The following SLC17A5 variants were observed in gnomAD, a reference collection of about 807,000 sequenced individuals.
SLC17A5 encodes the protein solute carrier family 17 member 5, also known as sialin.
A neutral mutation model predicts 59.4 loss-of-function variants in SLC17A5; 47 were observed. The ratio of observed to expected loss-of-function variants is 0.79; its 90% confidence interval spans 0.63 to 1.01. The LOEUF (loss-of-function observed/expected upper bound fraction) is 1.01, where lower values mean the gene tolerates loss of function less well. Ranked by LOEUF, SLC17A5 falls within the 50% of genes least tolerant of loss-of-function variation. The pLI, the probability that SLC17A5 is intolerant of heterozygous loss-of-function variation, is 0.00. For synonymous variants in SLC17A5, 202 were observed against 210.7 expected, an observed-to-expected ratio of 0.96 and a Z score of 0.36; for missense variants, 522 against 595.5, an observed-to-expected ratio of 0.88 and a Z score of 1.28.
intron 10 of SLC17A5, among the ~76,000 whole-genome samples, chr6:73,595,632 T>C (rs553216331): frequency 6.6e-6 from 1 of 152,136 alleles, no homozygotes; most frequent in Non-Finnish European, 1.5e-5. Context: ...ATTCTGTTTC[T>C]TGATTGGGTG....
At chr6:73,597,611 C>G (rs1297530927) in intron 10 of SLC17A5, among the ~76,000 whole-genome samples, 1 of 151,984 alleles carries the variant, frequency 6.6e-6, no homozygotes, top group Non-Finnish European at 1.5e-5. Flanking sequence ...GTGGTGAAAC[C>G]CCATCTTTAC....
At chr6:73,627,319 C>T (rs899672099) in intron 6 of SLC17A5, among the ~76,000 whole-genome samples, 3 of 152,080 alleles carry the variant, frequency 2.0e-5, no homozygotes, top group Non-Finnish European at 2.9e-5. Flanking sequence ...TCGTGATCTG[C>T]GTGCCTCAGC....
At chr6:73,636,793 G>A in intron 4 of SLC17A5, 86 bp from the exon 5 acceptor site, 1 of 989,288 alleles carries the variant, frequency 1.0e-6, no homozygotes, top group Non-Finnish European at 1.6e-6. Context: ...CAGAGGATGG[G>A]TAACAGGCTG....
intron 2 of SLC17A5, among the ~76,000 whole-genome samples, chr6:73,642,701 T>C (rs1200086122): frequency 2.0e-5 from 3 of 152,216 alleles, no homozygotes; most frequent in Non-Finnish European, 4.4e-5. Flanking sequence ...CTGACATTTT[T>C]AATGCAGTGT....
intron 7 of SLC17A5, chr6:73,618,702 C>CT (rs1019897434): frequency 7.3e-4 from 180 of 247,628 alleles, no homozygotes; most frequent in African/African-American, 3.9e-3. Context: ...CACTTGAATA[C>CT]TTGCAGGCCA....
At chr6:73,639,110 C>T (rs1039894210) in intron 3 of SLC17A5, among the ~76,000 whole-genome samples, 17 of 152,088 alleles carry the variant, frequency 1.1e-4, no homozygotes, top group Non-Finnish European at 1.9e-4. Flanking sequence ...TGTTTACAGC[C>T]TTTCTTCTTT....
chr6:73,642,311 A>C (rs1769325426), intron 2 of SLC17A5, among the ~76,000 whole-genome samples: 1 of 152,204 alleles, frequency 6.6e-6, no homozygotes, highest in African/African-American at 2.4e-5. Flanking sequence ...TCCCAAAAAA[A>C]GAGTCACAGG....
At chr6:73,601,740 G>A (rs1224959281) in intron 9 of SLC17A5, among the ~76,000 whole-genome samples, 1 of 124,332 alleles carries the variant, frequency 8.0e-6, no homozygotes, top group Non-Finnish European at 1.7e-5. Context: ...GGTGAGGGGC[G>A]CCTCTGCCCA....
At chr6:73,617,557 C>T (rs1423073309) in intron 7 of SLC17A5, among the ~76,000 whole-genome samples, 2 of 151,812 alleles carry the variant, frequency 1.3e-5, no homozygotes, top group Admixed American at 6.6e-5. Context: ...ATGCTAAAAA[C>T]TGCCGGCTAG....
chr6:73,623,454 C>G (rs1307798286), intron 6 of SLC17A5, among the ~76,000 whole-genome samples: 1 of 151,898 alleles, frequency 6.6e-6, no homozygotes, highest in African/African-American at 2.4e-5. Flanking sequence ...CCGGCCTCAG[C>G]CCCCCAAGTA....
chr6:73,625,159 CTT>C (rs1188415954), intron 6 of SLC17A5, among the ~76,000 whole-genome samples: 1 of 151,950 alleles, frequency 6.6e-6, no homozygotes, highest in Non-Finnish European at 1.5e-5. Flanking sequence ...TAGATATGCT[CTT>C]GTGTTTTTTA....
At chr6:73,607,992 A>T (rs1205925273) in intron 9 of SLC17A5, among the ~76,000 whole-genome samples, 1 of 151,076 alleles carries the variant, frequency 6.6e-6, no homozygotes, top group African/African-American at 2.4e-5. Flanking sequence ...GGCCAGGCTG[A>T]TCTCGAACTC....
At chr6:73,609,282 G>T (rs563774832) in intron 9 of SLC17A5, among the ~76,000 whole-genome samples, 19 of 152,312 alleles carry the variant, frequency 1.2e-4, no homozygotes, top group African/African-American at 4.6e-4. Context: ...TATTTCCAGA[G>T]AGGTAGCTGT....
At chr6:73,645,126 T>G (rs3799291) in intron 1 of SLC17A5, among the ~76,000 whole-genome samples, 2 of 152,194 alleles carry the variant, frequency 1.3e-5, no homozygotes, top group Admixed American at 6.5e-5. Flanking sequence ...TTACTATTTC[T>G]GAAAAACTAT....
chr6:73,605,771 AG>A (rs1767364336), intron 9 of SLC17A5, among the ~76,000 whole-genome samples: 1 of 151,972 alleles, frequency 6.6e-6, no homozygotes, highest in South Asian at 2.1e-4. Context: ...TGAGGTCGGG[AG>A]TTCGAGACCA....
chr6:73,609,546 A>T (rs72947490), intron 9 of SLC17A5, among the ~76,000 whole-genome samples: 1 of 149,314 alleles, frequency 6.7e-6, no homozygotes, highest in Non-Finnish European at 1.5e-5. Context: ...AGACAAATCA[A>T]TTGGGTCTAC....
chr6:73,641,788 A>G lies in SLC17A5; in HGVS notation c.428T>C (p.Ile143Thr). Reference sequence around the variant, plus strand: ...CAGGGTGAGGACAGCAGTGCCAAGGATCCCAAATCCTAGCAGCATTTTCCC... The same window carrying G: ...CAGGGTGAGGACAGCAGTGCCAAGGGTCCCAAATCCTAGCAGCATTTTCCC... ...IGGKMLLGFG[I>T]LGTAVLTLFT... The change falls in exon 3 of 11, where the codon ATC becomes ACC. Residue 143 changes from isoleucine (I) to threonine (T), a missense_variant. Physicochemically the swap from Ile to Thr is moderately conservative, Grantham distance 89 (BLOSUM62 -1). Around this residue, in one of 3 missense-constraint regions of SLC17A5, gnomAD observed 338 missense variants for 363.8 expected, o/e 0.93. Coordinates refer to ENST00000355773, the MANE Select transcript of SLC17A5 (RefSeq NM_012434.5). 1 of 1,614,154 alleles carries G rather than the reference A, an allele frequency of 6.2e-7. No homozygotes were observed. The highest frequency in any genetic ancestry group is 8.5e-7 in the Non-Finnish European group (1 of 1,180,026).
At position 73,615,405 on chromosome 6, in the gene SLC17A5, A is replaced by G. The variant is rs142972941; in HGVS notation, c.1021T>C (p.Cys341Arg). The G allele has an allele frequency of 2.3e-5, 37 of 1,613,956 alleles. No homozygotes were observed. The highest frequency in any genetic ancestry group is 3.1e-5 in the Non-Finnish European group (36 of 1,179,966). The change falls in exon 8 of 11, where the codon TGT becomes CGT. Residue 341 changes from cysteine (C) to arginine (R), a missense_variant. Around this residue, in one of 3 missense-constraint regions of SLC17A5, gnomAD observed 31 missense variants for 63.2 expected, o/e 0.49. Coordinates refer to ENST00000355773, the MANE Select transcript of SLC17A5 (RefSeq NM_012434.5). ...SSLPYLGSWL[C>R]MILSGQAADN... ...GCAGCTTGACCAGACAGGATCATAC[A>G]TAACCAAGAGCCTAAATAAGGCAAT...
At chr6:73,599,097 G>A (rs1484707642) in intron 10 of SLC17A5, among the ~76,000 whole-genome samples, 1 of 152,128 alleles carries the variant, frequency 6.6e-6, no homozygotes, top group Non-Finnish European at 1.5e-5. Context: ...CAGGAGAATC[G>A]CTTGAACTTG....
Sources: gnomAD v4.1 joint callset for allele counts (sites outside exome capture counted in the v4.1 genomes callset) on GRCh38, gnomAD v4.1.1 for gene constraint, gnomAD v4.1.1 regional missense constraint, MANE v1.5 for transcripts, NCBI Gene and HGNC (gene_info 2026-07-23, HGNC 2026-07-21) for gene names.